Variants in MTREX observed in about 807,000 individuals in gnomAD.
MTREX encodes exosome RNA helicase MTR4.
MTREX carries 76 observed loss-of-function variants against 135.4 expected under a neutral mutation model. The observed-to-expected ratio is 0.56, with a 90% CI of 0.47 to 0.68. MTREX has a LOEUF of 0.68. Among genes scored for constraint, MTREX ranks in the 30% least tolerant of loss-of-function variants. The probability of loss-of-function intolerance (pLI) is 0.00; values close to 1 mark genes in which losing one functional copy is unlikely to be tolerated. For missense variants in MTREX, 920 were observed against 1,262.1 expected, an observed-to-expected ratio of 0.73 and a Z score of 4.11; for synonymous variants, 404 against 401.6, an observed-to-expected ratio of 1.01 and a Z score of -0.07.
intron 14 of MTREX, chr5:55,356,420 G>A: frequency 4.8e-6 from 1 of 206,814 alleles, no homozygotes; most frequent in Non-Finnish European, 1.0e-5. Flanking sequence ...GGGCATATTT[G>A]GTGCTCTGGC....
rs918417252 is a variant in MTREX at position 55,422,987 on chromosome 5, G to T, written c.3076+5G>T. Reference sequence around the variant, plus strand: ...TGGAAAATAAATTTGCAGAAGGTCAGTATCAAATGGATAAGCTGTTTCTAA... The same window carrying T: ...TGGAAAATAAATTTGCAGAAGGTCATTATCAAATGGATAAGCTGTTTCTAA... On this transcript the variant is annotated splice_donor_5th_base_variant and intron_variant, in intron 26 of 26. Coordinates refer to ENST00000230640, the MANE Select transcript of MTREX (RefSeq NM_015360.5). 1 of 1,604,606 alleles carries T rather than the reference G, an allele frequency of 6.2e-7. No individual in the cohort carries two copies. Among genetic ancestry groups the T allele is most frequent in the Non-Finnish European group, 8.5e-7 (1 of 1,172,154 alleles).
At chr5:55,370,273 G>A (rs1750174935) in intron 16 of MTREX, among the ~76,000 whole-genome samples, 1 of 152,084 alleles carries the variant, frequency 6.6e-6, no homozygotes, top group South Asian at 2.1e-4. Context: ...TGTCTCTAGA[G>A]CACTTCCTGA....
chr5:55,321,917 AT>A (rs1749296297), intron 1 of MTREX, among the ~76,000 whole-genome samples: 1 of 152,104 alleles, frequency 6.6e-6, no homozygotes. Context: ...TCCAAACGTC[AT>A]TTATTGTCAC....
chr5:55,356,738 T>G (rs945525406), intron 14 of MTREX: 1 of 152,678 alleles, frequency 6.5e-6, no homozygotes, highest in African/African-American at 2.4e-5. Flanking sequence ...CACTGAATGG[T>G]GTAGTACTTG....
intron 1 of MTREX, among the ~76,000 whole-genome samples, chr5:55,309,981 T>C (rs1217739123): frequency 2.6e-5 from 4 of 152,202 alleles, no homozygotes; most frequent in South Asian, 2.1e-4. Flanking sequence ...GGACCAATTA[T>C]TTTTATTTCT....
chr5:55,329,854 G>C (rs1420683835), intron 5 of MTREX, among the ~76,000 whole-genome samples: 1 of 150,686 alleles, frequency 6.6e-6, no homozygotes, highest in African/African-American at 2.4e-5. Context: ...TGTTGTTTTT[G>C]CATTTTTTTC....
intron 25 of MTREX, among the ~76,000 whole-genome samples, chr5:55,418,117 C>T (rs1331093619): frequency 6.6e-6 from 1 of 150,630 alleles, no homozygotes; most frequent in African/African-American, 2.4e-5. Flanking sequence ...GCCTGTAGTC[C>T]CAGCTACTCG....
rs1751125720 is a variant in MTREX at position 55,424,862 on chromosome 5, T to A, written c.*90T>A. The A allele has an allele frequency of 5.6e-6, 5 of 893,304 alleles. No individual in the cohort carries two copies. Among genetic ancestry groups the A allele is most frequent in the Non-Finnish European group, 9.1e-6 (5 of 548,858 alleles). 55.3% of individuals were successfully genotyped at this position (893,304 alleles called of 1,614,324 possible). A position where few individuals can be genotyped will look rare whatever the true frequency, so the allele number is the denominator to read the frequency against. ...ATGCCTGCAAGTGTGGATTTGGTTC[T>A]CCCATACATTTTAATATGTATTATA... On this transcript the variant is annotated 3_prime_UTR_variant, in exon 27 of 27. Transcript: ENST00000230640.
chr5:55,339,986 G>A (rs1749617886), intron 5 of MTREX, 24 bp from the exon 6 acceptor site: 3 of 1,442,874 alleles, frequency 2.1e-6, no homozygotes, highest in African/African-American at 1.5e-5. Context: ...AAAGTTGTAT[G>A]ATTATTTGTT....
intron 1 of MTREX, among the ~76,000 whole-genome samples, chr5:55,312,267 T>C (rs1025136088): frequency 6.6e-6 from 1 of 152,362 alleles, no homozygotes; most frequent in African/African-American, 2.4e-5. Flanking sequence ...GCAGGATAAA[T>C]GCTTGATCCT....
At chr5:55,323,298 T>A (rs1302764545) in intron 2 of MTREX, among the ~76,000 whole-genome samples, 1 of 152,228 alleles carries the variant, frequency 6.6e-6, no homozygotes, top group Admixed American at 6.5e-5. Context: ...ATCTCAGAAG[T>A]ACGATAAGTA....
In MTREX at chr5:55,328,765, G is replaced by A; in HGVS notation, c.469G>A (p.Val157Ile). 1 of 1,613,412 alleles carries A rather than the reference G, an allele frequency of 6.2e-7. No individual in the cohort carries two copies. Among genetic ancestry groups the A allele is most frequent in the African/African-American group, 1.3e-5 (1 of 75,002 alleles). The change falls in exon 5 of 27, where the codon GTT becomes ATT. Residue 157 changes from valine (V) to isoleucine (I), a missense_variant. Transcript: ENST00000230640. ...TCAGTGTGTTGACAATAATCAGTCT[G>A]TTCTAGTATCTGCACATACCTCAGC... ...AIQCVDNNQSVLVSAHTSAGK... is the reference protein window; with the variant it reads ...AIQCVDNNQSILVSAHTSAGK...
At chr5:55,348,278 C>T (rs10067388) in intron 11 of MTREX, among the ~76,000 whole-genome samples, 22,716 of 151,968 alleles carry the variant, frequency 0.15, 2,154 homozygotes, top group South Asian at 0.18. Flanking sequence ...TTATCAGGAA[C>T]GCATACCAGT....
At chr5:55,399,511 G>T (rs182104841) in intron 20 of MTREX, among the ~76,000 whole-genome samples, 1 of 151,142 alleles carries the variant, frequency 6.6e-6, no homozygotes, top group South Asian at 2.1e-4. Context: ...TTTTTGAGAC[G>T]GAGTCTTGCT....
At position 55,405,506 on chromosome 5, in the gene MTREX, A is replaced by G. The variant is rs1421498697; in HGVS notation, c.2563A>G (p.Lys855Glu). The change falls in exon 22 of 27, where the codon AAA becomes GAA. Residue 855 changes from lysine to glutamate, a missense_variant. Physicochemically the swap from Lys to Glu is moderately conservative, Grantham distance 56. Coordinates refer to ENST00000230640, the MANE Select transcript of MTREX (RefSeq NM_015360.5). ...ACAAATGGATGAACTCAAATGTCGC[A>G]AACGTGTTTTAAGAAGGTTGGGATT... ...VLQMDELKCR[K>E]RVLRRLGFAT... 3.1e-6 allele frequency: 5 copies of G among 1,614,060 alleles called. No individual in the cohort carries two copies. The highest frequency in any genetic ancestry group is 4.2e-6 in the Non-Finnish European group (5 of 1,179,934).
Position 55,339,996 on chromosome 5 carries a change from T to G in MTREX, c.516-14T>G. 6.8e-7 allele frequency: 1 copy of G among 1,465,952 alleles called. No homozygotes were observed. The highest frequency in any genetic ancestry group is 9.0e-7 in the Non-Finnish European group (1 of 1,106,186). The allele number at this position is 1,465,952 out of a possible 1,614,324, so 90.8% of individuals were successfully genotyped here. A position where few individuals can be genotyped will look rare whatever the true frequency, so the allele number is the denominator to read the frequency against. On this transcript the variant is annotated splice_polypyrimidine_tract_variant and intron_variant, in intron 5 of 26. Transcript: ENST00000230640. ...AAGGAAAAGTTGTATGATTATTTGTTTTCACATTTGTAGGTATGCCATTGC... is the reference window on the plus strand; with the variant it reads ...AAGGAAAAGTTGTATGATTATTTGTGTTCACATTTGTAGGTATGCCATTGC...
chr5:55,337,888 TC>T (rs979202365), intron 5 of MTREX, among the ~76,000 whole-genome samples: 7 of 152,140 alleles, frequency 4.6e-5, no homozygotes, highest in African/African-American at 1.7e-4. Context: ...TTTTTAGCTT[TC>T]TTTGAGTTAG....
At chr5:55,344,375 C>G (rs1749697580) in intron 8 of MTREX, 147 bp from the exon 9 acceptor site, 1 of 581,674 alleles carries the variant, frequency 1.7e-6, no homozygotes, top group Non-Finnish European at 3.0e-6. Flanking sequence ...TTTCTCTTGC[C>G]TGGGTTTTAG....
intron 12 of MTREX, 133 bp from the exon 13 acceptor site, chr5:55,350,786 T>C: frequency 1.3e-6 from 1 of 777,706 alleles, no homozygotes; most frequent in Admixed American, 3.3e-5. Flanking sequence ...TGAGTTTTGC[T>C]TTTATTCTGG....
Sources: gnomAD v4.1 joint callset for allele counts (sites outside exome capture counted in the v4.1 genomes callset) on GRCh38, gnomAD v4.1.1 for gene constraint, MANE v1.5 for transcripts, NCBI Gene and HGNC (gene_info 2026-07-23, HGNC 2026-07-21) for gene names.